CD200R1: variants seen among roughly 807,000 people sequenced by gnomAD.
The protein encoded by CD200R1 is CD200 receptor 1, also known as cell surface glycoprotein CD200 receptor 1.
Under a neutral mutation model 38.1 loss-of-function variants are expected in CD200R1, and 30 were observed. The observed-to-expected ratio is 0.79, with a 90% CI of 0.59 to 1.07. The LOEUF (loss-of-function observed/expected upper bound fraction) is 1.07, where lower values mean the gene tolerates loss of function less well. CD200R1 is among the 50% of genes least tolerant of loss of function. The probability of loss-of-function intolerance (pLI) is 0.00; values close to 1 mark genes in which losing one functional copy is unlikely to be tolerated. For synonymous variants in CD200R1, 128 were observed against 152.1 expected (o/e 0.84, Z 1.16); for missense variants, 372 against 415.4 (o/e 0.90, Z 0.91).
In CD200R1 at chr3:112,923,189, G is replaced by A. The variant is rs1178333701; in HGVS notation, c.*488C>T. ...TGATCTCTAAGACTTATATTATTAGGTTTTCATATGTATAGAACAGTAATG... is the reference window on the plus strand; with the variant it reads ...TGATCTCTAAGACTTATATTATTAGATTTTCATATGTATAGAACAGTAATG... On this transcript the variant is annotated 3_prime_UTR_variant, in exon 8 of 8. Coordinates refer to ENST00000308611, the MANE Select transcript of CD200R1 (RefSeq NM_138806.4). 1 of 151,848 alleles carries A rather than the reference G, an allele frequency of 6.6e-6. No homozygotes were observed. The highest frequency in any genetic ancestry group is 2.4e-5 in the African/African-American group (1 of 41,376). The allele number at this position is 151,848 out of a possible 1,614,324, so 9.4% of individuals were successfully genotyped here. A position where few individuals can be genotyped will look rare whatever the true frequency, so the allele number is the denominator to read the frequency against.
intron 1 of CD200R1, among the ~76,000 whole-genome samples, chr3:112,968,255 TAGAA>T (rs1312791599): frequency 6.6e-6 from 1 of 152,118 alleles, no homozygotes; most frequent in African/African-American, 2.4e-5. Flanking sequence ...GGGTAACATT[TAGAA>T]AGCAAAAAAG....
intron 2 of CD200R1, among the ~76,000 whole-genome samples, chr3:112,934,944 G>A (rs918527251): frequency 4.6e-5 from 7 of 152,036 alleles, no homozygotes; most frequent in African/African-American, 1.4e-4. Context: ...ACAAGCAGGA[G>A]TAGCTATACT....
intron 5 of CD200R1, among the ~76,000 whole-genome samples, chr3:112,926,667 A>G (rs1025851600): frequency 1.2e-4 from 19 of 152,160 alleles, no homozygotes; most frequent in African/African-American, 4.6e-4. Context: ...AACTCAAAAA[A>G]ACCTACACAT....
chr3:112,937,679 G>GT (rs2107314187), intron 2 of CD200R1, among the ~76,000 whole-genome samples: 1 of 152,068 alleles, frequency 6.6e-6, no homozygotes, highest in Admixed American at 6.6e-5. Flanking sequence ...TTTGGGTTAT[G>GT]TTTTGGTTCC....
At chr3:112,931,819 G>A (rs1048795697) in intron 2 of CD200R1, among the ~76,000 whole-genome samples, 1 of 152,028 alleles carries the variant, frequency 6.6e-6, no homozygotes, top group Non-Finnish European at 1.5e-5. Flanking sequence ...GAGAGTGCAG[G>A]AGTGCAGAAA....
In CD200R1 at chr3:112,947,953, G is replaced by C. The variant is rs754486948; in HGVS notation, c.68-29C>G. 4 of 1,452,104 alleles carry C rather than the reference G, an allele frequency of 2.8e-6. No individual in the cohort carries two copies. In the African/African-American group the frequency reaches 4.2e-5, roughly 15 times the overall value. 90.0% of individuals were successfully genotyped at this position (1,452,104 alleles called of 1,614,324 possible). On this transcript the variant is annotated intron_variant, in intron 1 of 7. Transcript: ENST00000308611. ...AATTTTGAAAAAGACATAGGGGGTAGAGAGAGAAATATGCATTAATAGATC... is the reference window on the plus strand; with the variant it reads ...AATTTTGAAAAAGACATAGGGGGTACAGAGAGAAATATGCATTAATAGATC...
chr3:112,966,892 A>G (rs1933178234), intron 1 of CD200R1, among the ~76,000 whole-genome samples: 1 of 151,950 alleles, frequency 6.6e-6, no homozygotes, highest in Non-Finnish European at 1.5e-5. Context: ...CCTCCTCAAT[A>G]CCAGCAATCT....
At position 112,939,893 on chromosome 3, in the gene CD200R1, C is replaced by T. The variant is rs188827903; in HGVS notation, c.136+7963G>A. 1.1e-3 allele frequency among the ~76,000 whole-genome samples: 150 copies of T among 139,478 alleles called. 3 individuals carry two copies. In the East Asian group the frequency reaches 0.027, roughly 25 times the overall value. The allele number at this position is 139,478 out of a possible 152,430, so 91.5% of individuals were successfully genotyped here. ...CCAAAAAAAAAAAAAAAACAAGCTG[C>T]GGCATCACACTAACAGACTTCAAAA... On this transcript the variant is annotated intron_variant, in intron 2 of 7. Transcript: ENST00000308611.
rs1280537252 is a variant in CD200R1, at chr3:112,922,904, C to A, written c.*773G>T. 1 of 151,814 alleles carries A rather than the reference C, an allele frequency of 6.6e-6. No homozygotes were observed. Among genetic ancestry groups the A allele is most frequent in the African/African-American group, 2.4e-5 (1 of 41,384 alleles). The allele number at this position is 151,814 out of a possible 1,614,324, so 9.4% of individuals were successfully genotyped here. A position where few individuals can be genotyped will look rare whatever the true frequency, so the allele number is the denominator to read the frequency against. On this transcript the variant is annotated 3_prime_UTR_variant, in exon 8 of 8. Coordinates refer to ENST00000308611, the MANE Select transcript of CD200R1 (RefSeq NM_138806.4). ...ACATATATATCAATAGTAAAATGCA[C>A]AAACCCTTTGACCTGACAATTCCAC...
At chr3:112,932,900 A>G (rs943928747) in intron 2 of CD200R1, among the ~76,000 whole-genome samples, 1 of 151,936 alleles carries the variant, frequency 6.6e-6, no homozygotes, top group Non-Finnish European at 1.5e-5. Context: ...AGCCTAAGAA[A>G]CAACCCAGTG....
chr3:112,958,925 C>T (rs1478179100), intron 1 of CD200R1, among the ~76,000 whole-genome samples: 1 of 152,088 alleles, frequency 6.6e-6, no homozygotes, highest in Non-Finnish European at 1.5e-5. Flanking sequence ...CAAGCATATA[C>T]ACCCACACAT....
In CD200R1 at chr3:112,923,103, C is replaced by A. The variant is rs1940207339; in HGVS notation, c.*574G>T. 6.6e-6 allele frequency: 1 copy of A among 151,818 alleles called. No individual in the cohort carries two copies. Among genetic ancestry groups the A allele is most frequent in the Non-Finnish European group, 1.5e-5 (1 of 67,814 alleles). The allele number at this position is 151,818 out of a possible 1,614,324, so 9.4% of individuals were successfully genotyped here. A position where few individuals can be genotyped will look rare whatever the true frequency, so the allele number is the denominator to read the frequency against. On this transcript the variant is annotated 3_prime_UTR_variant, in exon 8 of 8. Coordinates refer to ENST00000308611, the MANE Select transcript of CD200R1 (RefSeq NM_138806.4). ...TTAATTAAATAATGATATAACTATA[C>A]AATGGAATTTTATATAACCATTAAA...
rs1023502867 is a variant in CD200R1, at chr3:112,969,913, T to C, written c.67+4878A>G. Among the ~76,000 whole-genome samples, 3 of 152,148 alleles carry C rather than the reference T, an allele frequency of 2.0e-5. No homozygotes were observed. The East Asian group carries it at 5.8e-4, about 29-fold the overall frequency. ...CTGGCCAGGTACAGTGACTCACGCCTGTAATTCCAACACTTTGGGAGGCCA... is the reference window on the plus strand; with the variant it reads ...CTGGCCAGGTACAGTGACTCACGCCCGTAATTCCAACACTTTGGGAGGCCA... On this transcript the variant is annotated intron_variant, in intron 1 of 7. Transcript: ENST00000308611.
In CD200R1 at chr3:112,949,419, T is replaced by C. The variant is rs142606883; in HGVS notation, c.68-1495A>G. On this transcript the variant is annotated intron_variant, in intron 1 of 7. Transcript: ENST00000308611. ...TCTTTAGCAAACTGTTCTTTTAAGA[T>C]AATTTATGGAATGAGTATAACAGGA... 4.0e-3 allele frequency among the ~76,000 whole-genome samples: 611 copies of C among 152,392 alleles called. 6 individuals carry two copies. Among genetic ancestry groups the C allele is most frequent in the African/African-American group, 0.014 (589 of 41,596 alleles).
At chr3:112,948,445 C>T (rs571297687) in intron 1 of CD200R1, among the ~76,000 whole-genome samples, 14 of 152,238 alleles carry the variant, frequency 9.2e-5, no homozygotes, top group African/African-American at 2.6e-4. Flanking sequence ...GAAGGGAGCA[C>T]GATAGTTCTC....
At chr3:112,943,059 AACAG>A (rs1180512572) in intron 2 of CD200R1, among the ~76,000 whole-genome samples, 3 of 151,776 alleles carry the variant, frequency 2.0e-5, no homozygotes, top group Non-Finnish European at 4.4e-5. Flanking sequence ...CTCTATTAGA[AACAG>A]ACAGATCCAG....
Position 112,929,037 on chromosome 3 carries a change from T to C in CD200R1, c.548A>G (p.Asn183Ser), listed in dbSNP as rs773956297. The change falls in exon 5 of 8, where the codon AAC becomes AGC. Residue 183 changes from asparagine (N) to serine (S), a missense_variant. Asn to Ser is a conservative substitution (Grantham distance 46). Coordinates refer to ENST00000308611, the MANE Select transcript of CD200R1 (RefSeq NM_138806.4). ...CTTGCATACTGCAGTTCTATTCCTGTTTTGAAACAGGGTCACTTCAGGTGT... is the reference window on the plus strand; with the variant it reads ...CTTGCATACTGCAGTTCTATTCCTGCTTTGAAACAGGGTCACTTCAGGTGT... ...LVTPEVTLFQ[N>S]RNRTAVCKAV... is the part of the protein sequence containing the mutation. The C allele has an allele frequency of 2.5e-6, 4 of 1,613,762 alleles. No homozygotes were observed. Among genetic ancestry groups the C allele is most frequent in the Non-Finnish European group, 2.5e-6 (3 of 1,180,002 alleles).
intron 1 of CD200R1, among the ~76,000 whole-genome samples, chr3:112,965,994 A>G (rs764868516): frequency 2.6e-5 from 4 of 152,164 alleles, no homozygotes; most frequent in Admixed American, 6.5e-5. Flanking sequence ...CATTTTGAGG[A>G]AGCAGGTTAA....
chr3:112,949,120 G>C (rs1397915585), intron 1 of CD200R1, among the ~76,000 whole-genome samples: 2 of 152,186 alleles, frequency 1.3e-5, no homozygotes, highest in African/African-American at 4.8e-5. Flanking sequence ...GAGGTACAAA[G>C]CCAAATAAAA....
Sources: gnomAD v4.1 joint callset for allele counts (sites outside exome capture counted in the v4.1 genomes callset) on GRCh38, gnomAD v4.1.1 for gene constraint, MANE v1.5 for transcripts, NCBI Gene and HGNC (gene_info 2026-07-23, HGNC 2026-07-21) for gene names.